The following RAP1A variants were observed in gnomAD, a reference collection of about 807,000 sequenced individuals.
The protein encoded by RAP1A is RAP1A, member of RAS oncogene family.
In RAP1A, 6 loss-of-function variants were observed where a neutral mutation model predicts 26.4. That is an observed-to-expected ratio of 0.23 (90% CI 0.12 to 0.45). The LOEUF is 0.45. Among genes scored for constraint, RAP1A ranks in the 20% least tolerant of loss-of-function variants. The pLI is 0.99. For synonymous variants in RAP1A, 73 were observed against 79.4 expected (o/e 0.92, Z 0.43); for missense variants, 121 against 217.2 (o/e 0.56, Z 2.78).
intron 1 of RAP1A, among the ~76,000 whole-genome samples, chr1:111,626,119 T>TACAAC (rs756311474): frequency 2.0e-5 from 3 of 152,244 alleles, no homozygotes; most frequent in Non-Finnish European, 4.4e-5. Context: ...ATCAGTGTTG[T>TACAAC]ATTTTCATGA....
chr1:111,619,407 G>C (rs490011), upstream of RAP1A, among the ~76,000 whole-genome samples: 842 of 152,290 alleles, frequency 5.5e-3, 8 homozygotes, highest in African/African-American at 0.019. Context: ...CATGCAAGCT[G>C]CAAGAGGGTC....
In RAP1A at chr1:111,634,500, G is replaced by A. The variant is rs145191471; in HGVS notation, c.-28+14566G>A. ...AAAGACCTAGATTATTATCTCTGAT[G>A]TATGGGTTATAGATATTTTATTATA... On this transcript the variant is annotated intron_variant, in intron 1 of 7. Coordinates refer to ENST00000369709, the MANE Select transcript of RAP1A (RefSeq NM_002884.4). Among the ~76,000 whole-genome samples the A allele has an allele frequency of 8.6e-3, 1,290 of 149,890 alleles. 21 individuals are homozygous for A. The highest frequency in any genetic ancestry group is 0.03 in the African/African-American group (1,229 of 40,810).
intron 1 of RAP1A, among the ~76,000 whole-genome samples, chr1:111,609,072 G>C (rs1054121413): frequency 2.0e-5 from 3 of 152,234 alleles, no homozygotes; most frequent in African/African-American, 7.2e-5. Context: ...TGCACAGGCT[G>C]AGTTTGTGCT....
At chr1:111,659,331 T>C (rs781195177) in intron 1 of RAP1A, among the ~76,000 whole-genome samples, 2 of 152,208 alleles carry the variant, frequency 1.3e-5, no homozygotes, top group Non-Finnish European at 2.9e-5. Context: ...TTAAAAGTTA[T>C]GTGAAAGTAG....
At chr1:111,572,682 G>C (rs1658073381) in intron 1 of RAP1A, among the ~76,000 whole-genome samples, 1 of 152,182 alleles carries the variant, frequency 6.6e-6, no homozygotes, top group Non-Finnish European at 1.5e-5. Context: ...AGAAATAGGA[G>C]GATGACCAAC....
At chr1:111,651,869 C>A (rs556466707) in intron 1 of RAP1A, among the ~76,000 whole-genome samples, 1 of 152,264 alleles carries the variant, frequency 6.6e-6, no homozygotes, top group African/African-American at 2.4e-5. Context: ...ACCTTGGCCT[C>A]CCAAAGTGCT....
At chr1:111,662,357 C>T (rs1408016222) in intron 1 of RAP1A, among the ~76,000 whole-genome samples, 2 of 135,496 alleles carry the variant, frequency 1.5e-5, no homozygotes, top group East Asian at 2.2e-4. Flanking sequence ...GTAGCACCAT[C>T]GTATTCAGGC....
chr1:111,688,539 C>T (rs759192132), intron 1 of RAP1A, among the ~76,000 whole-genome samples: 4 of 151,920 alleles, frequency 2.6e-5, no homozygotes, highest in South Asian at 4.1e-4. Flanking sequence ...AGGCTGGTTG[C>T]GAACTCCTGA....
chr1:111,696,942 T>A (rs529597802), intron 3 of RAP1A, among the ~76,000 whole-genome samples: 1 of 152,304 alleles, frequency 6.6e-6, no homozygotes, highest in Admixed American at 6.5e-5. Context: ...TAAACTCAGA[T>A]TTTACTGTGT....
intron 1 of RAP1A, among the ~76,000 whole-genome samples, chr1:111,632,811 C>T (rs549478919): frequency 6.0e-4 from 91 of 151,494 alleles, no homozygotes; most frequent in African/African-American, 2.2e-3. Flanking sequence ...ATCCCAGCTA[C>T]TCAGGAGGCT....
intron 1 of RAP1A, among the ~76,000 whole-genome samples, chr1:111,593,842 T>C (rs1227903508): frequency 1.3e-5 from 2 of 151,870 alleles, no homozygotes; most frequent in Admixed American, 1.3e-4. Flanking sequence ...GGCCTAAGAT[T>C]CATTCAGGAC....
At chr1:111,657,887 T>C (rs1200247017) in intron 1 of RAP1A, among the ~76,000 whole-genome samples, 1 of 152,214 alleles carries the variant, frequency 6.6e-6, no homozygotes, top group Non-Finnish European at 1.5e-5. Flanking sequence ...ATGGATTATT[T>C]AGAAATATGT....
At chr1:111,674,730 T>C (rs1379953325) in intron 1 of RAP1A, among the ~76,000 whole-genome samples, 1 of 152,252 alleles carries the variant, frequency 6.6e-6, no homozygotes, top group Non-Finnish European at 1.5e-5. Context: ...TCACTGACTC[T>C]TCTTCATTCC....
chr1:111,580,852 AAAAAACAAAAAAC>A lies in RAP1A; in HGVS notation c.-28+38349_-28+38361del, dbSNP rs1280129422. On this transcript the variant is annotated intron_variant, in intron 1 of 7. Coordinates refer to the RAP1A transcript ENST00000356415. ...GCAGAGCAAGACTGTCTCAAAAACA[AAAAAACAAAAAAC>A]AAAAAAAAAACAACAAAAAACAGAA... 9.5e-4 allele frequency among the ~76,000 whole-genome samples: 40 copies of A among 42,060 alleles called. 1 individual carries two copies. The highest frequency in any genetic ancestry group is 3.2e-3 in the Non-Finnish European group (35 of 10,958). The allele number at this position is 42,060 out of a possible 152,430, so 27.6% of individuals were successfully genotyped here.
chr1:111,666,890 A>G (rs1261547645), intron 1 of RAP1A, among the ~76,000 whole-genome samples: 1 of 152,098 alleles, frequency 6.6e-6, no homozygotes, highest in Non-Finnish European at 1.5e-5. Context: ...TATCAGGTTT[A>G]AGAAACTGAA....
intron 1 of RAP1A, among the ~76,000 whole-genome samples, chr1:111,635,041 G>A (rs1659685987): frequency 6.6e-6 from 1 of 152,076 alleles, no homozygotes; most frequent in Non-Finnish European, 1.5e-5. Context: ...AAGATTCTTA[G>A]GTGATAAAAT....
rs1013843746 is a variant in RAP1A at position 111,619,822 on chromosome 1, C to G, written c.-140C>G. On this transcript the variant is annotated 5_prime_UTR_variant, in exon 1 of 8. Coordinates refer to ENST00000369709, the MANE Select transcript of RAP1A (RefSeq NM_002884.4). ...TCCCGAGGCCCCTGCCGCCGCCGCT[C>G]CCGCTGCTGTCGCCGCGCAGAGCCG... 4 of 399,494 alleles carry G rather than the reference C, an allele frequency of 1.0e-5. No individual in the cohort carries two copies. Among genetic ancestry groups the G allele is most frequent in the Non-Finnish European group, 8.8e-6 (2 of 227,132 alleles). The allele number at this position is 399,494 out of a possible 1,614,324, so 24.7% of individuals were successfully genotyped here.
chr1:111,626,434 T>C (rs1391601139), intron 1 of RAP1A, among the ~76,000 whole-genome samples: 1 of 151,952 alleles, frequency 6.6e-6, no homozygotes, highest in Non-Finnish European at 1.5e-5. Flanking sequence ...GTAGGGAAGT[T>C]GTTTCCTGGT....
In RAP1A at chr1:111,619,833, C is replaced by T; in HGVS notation, c.-129C>T. ...CTGCCGCCGCCGCTCCCGCTGCTGT[C>T]GCCGCGCAGAGCCGGAGCAGGAGCC... On this transcript the variant is annotated 5_prime_UTR_variant, in exon 1 of 8. Coordinates refer to ENST00000369709, the MANE Select transcript of RAP1A (RefSeq NM_002884.4). The T allele has an allele frequency of 5.0e-6, 2 of 399,002 alleles. No individual in the cohort carries two copies. The highest frequency in any genetic ancestry group is 3.6e-5 in the East Asian group (1 of 28,062). The allele number at this position is 399,002 out of a possible 1,614,324, so 24.7% of individuals were successfully genotyped here. A position where few individuals can be genotyped will look rare whatever the true frequency, so the allele number is the denominator to read the frequency against.
Sources: allele counts gnomAD v4.1 joint callset (sites outside exome capture counted in the v4.1 genomes callset), GRCh38; gene constraint gnomAD v4.1.1; transcripts MANE v1.5; gene names NCBI Gene and HGNC (gene_info 2026-07-23, HGNC 2026-07-21).